The following MYL1 variants were observed in gnomAD, a reference collection of about 807,000 sequenced individuals.
The protein encoded by MYL1 is myosin light chain 1, also known as myosin light chain 1/3, skeletal muscle isoform.
Under a neutral mutation model 21.8 loss-of-function variants are expected in MYL1, and 16 were observed. The observed-to-expected ratio is 0.74, with a 90% CI of 0.50 to 1.12. The LOEUF (loss-of-function observed/expected upper bound fraction) is 1.12, where lower values mean the gene tolerates loss of function less well. MYL1 is among the 50% of genes most tolerant of loss of function. The pLI is 0.00. For synonymous variants in MYL1, 99 were observed against 85.2 expected, an observed-to-expected ratio of 1.16 and a Z score of -0.89; for missense variants, 246 against 241.0, an observed-to-expected ratio of 1.02 and a Z score of -0.14.
chr2:210,293,699 A>T, intron 5 of MYL1, 24 bp downstream of exon 5: 1 of 1,608,900 alleles, frequency 6.2e-7, no homozygotes, highest in Non-Finnish European at 8.5e-7. Context: ...AGTTGCTGTA[A>T]CCACCAGTGA....
intron 1 of MYL1, among the ~76,000 whole-genome samples, chr2:210,306,861 A>C (rs1353759191): frequency 6.6e-6 from 1 of 151,952 alleles, no homozygotes; most frequent in Non-Finnish European, 1.5e-5. Flanking sequence ...GACAAAACTT[A>C]TCTTCTCTCT....
intron 1 of MYL1, 137 bp downstream of exon 1, chr2:210,314,774 A>T: frequency 1.0e-6 from 1 of 970,666 alleles, no homozygotes; most frequent in Non-Finnish European, 1.6e-6. Context: ...TTAAAGCAGG[A>T]TTCTCTTCTT....
intron 5 of MYL1, among the ~76,000 whole-genome samples, chr2:210,292,498 T>C (rs1690093498): frequency 6.6e-6 from 1 of 152,228 alleles, no homozygotes. Flanking sequence ...TATGATCTTT[T>C]ATTAATTTGT....
chr2:210,305,554 T>A (rs1405488728), intron 1 of MYL1, among the ~76,000 whole-genome samples: 3 of 152,128 alleles, frequency 2.0e-5, no homozygotes, highest in African/African-American at 4.8e-5. Flanking sequence ...GTTATTAAAT[T>A]TGAATCATCT....
At chr2:210,306,380 CAAAA>C (rs370261153) in intron 1 of MYL1, among the ~76,000 whole-genome samples, 2 of 117,528 alleles carry the variant, frequency 1.7e-5, no homozygotes, top group Admixed American at 8.3e-5. Flanking sequence ...GACTCCATCT[CAAAA>C]AAAAAAAAAA....
At chr2:210,296,953 T>C (rs1375165620) in intron 3 of MYL1, among the ~76,000 whole-genome samples, 1 of 151,062 alleles carries the variant, frequency 6.6e-6, no homozygotes, top group Non-Finnish European at 1.5e-5. Flanking sequence ...TTGCAGCAAA[T>C]AATAAAATTT....
chr2:210,303,426 CATATT>C (rs1199908772), intron 1 of MYL1: 7 of 865,918 alleles, frequency 8.1e-6, no homozygotes, highest in Non-Finnish European at 1.2e-5. Flanking sequence ...ACTAAAGACT[CATATT>C]GAATATGTTC....
rs1409956400 is a variant in MYL1, at chr2:210,296,595, G to A, written c.304+1825C>T. 6.2e-4 allele frequency among the ~76,000 whole-genome samples: 94 copies of A among 152,028 alleles called. 1 individual carries two copies. The highest frequency in any genetic ancestry group is 1.0e-4 in the Non-Finnish European group (7 of 68,006). On this transcript the variant is annotated intron_variant, in intron 3 of 6. Transcript: ENST00000352451. ...AGCTCAGGAGTTCGAGACCAGCCTGGGCAACATGGCAAGGTCCTATCTCTA... is the reference window on the plus strand; with the variant it reads ...AGCTCAGGAGTTCGAGACCAGCCTGAGCAACATGGCAAGGTCCTATCTCTA...
intron 1 of MYL1, chr2:210,302,918 G>A (rs1690286906): frequency 1.3e-5 from 12 of 938,708 alleles, no homozygotes; most frequent in Non-Finnish European, 4.8e-6. Context: ...GCATTAGAAG[G>A]TTGCCTTAGG....
At position 210,293,097 on chromosome 2, in the gene MYL1, T is replaced by C. The variant is rs940556788; in HGVS notation, c.556+626A>G. 3.3e-5 allele frequency among the ~76,000 whole-genome samples: 5 copies of C among 152,322 alleles called. No individual in the cohort carries two copies. The East Asian group carries it at 7.7e-4, about 23-fold the overall frequency. Reference sequence around the variant, plus strand: ...TAACTTGATTCATTCTCTTTGGGGATAGAAACATTTTTAAATTTTCTTACA... The same window carrying C: ...TAACTTGATTCATTCTCTTTGGGGACAGAAACATTTTTAAATTTTCTTACA... On this transcript the variant is annotated intron_variant, in intron 5 of 6. Transcript: ENST00000352451.
intron 2 of MYL1, among the ~76,000 whole-genome samples, chr2:210,300,409 T>A (rs1181641457): frequency 6.6e-6 from 1 of 152,190 alleles, no homozygotes; most frequent in Non-Finnish European, 1.5e-5. Context: ...TAATAAAATT[T>A]GATTCGGATA....
chr2:210,302,956 G>T, intron 1 of MYL1: 1 of 635,068 alleles, frequency 1.6e-6, no homozygotes, highest in Non-Finnish European at 2.7e-6. Context: ...AACATAAAAA[G>T]CTATTGCAAA....
intron 3 of MYL1, among the ~76,000 whole-genome samples, chr2:210,296,663 G>A (rs1403761225): frequency 2.0e-5 from 3 of 152,038 alleles, no homozygotes; most frequent in African/African-American, 7.2e-5. Flanking sequence ...GGGTGTGGTG[G>A]TGCACATCTG....
chr2:210,296,162 T>C (rs1462118939), intron 3 of MYL1, among the ~76,000 whole-genome samples: 1 of 152,200 alleles, frequency 6.6e-6, no homozygotes, highest in Non-Finnish European at 1.5e-5. Flanking sequence ...TATTTTCGAT[T>C]GACACATACT....
chr2:210,295,016 A>G (rs1382799164), intron 3 of MYL1, among the ~76,000 whole-genome samples: 1 of 152,072 alleles, frequency 6.6e-6, no homozygotes, highest in Non-Finnish European at 1.5e-5. Context: ...TGTGTCAAAT[A>G]TTTTGTGATC....
chr2:210,301,596 C>T (rs112167740), intron 2 of MYL1, among the ~76,000 whole-genome samples: 2,717 of 152,054 alleles, frequency 0.018, 71 homozygotes, highest in African/African-American at 0.06. Context: ...TTTTTCTCCT[C>T]CTTCCATCTA....
intron 4 of MYL1, 57 bp from the exon 5 acceptor site, chr2:210,293,857 A>C: frequency 6.7e-7 from 1 of 1,489,048 alleles, no homozygotes; most frequent in Non-Finnish European, 9.4e-7. Context: ...TTCAAAATCC[A>C]CCATAGGTCA....
In MYL1 at chr2:210,298,339, T is replaced by TACACACACACAC. The variant is rs112894708; in HGVS notation, c.304+69_304+80dup. 1,187 of 1,187,610 alleles carry TACACACACACAC rather than the reference T, an allele frequency of 1.0e-3. 3 individuals carry two copies. Among genetic ancestry groups the TACACACACACAC allele is most frequent in the East Asian group, 3.3e-3 (136 of 40,602 alleles). 73.6% of individuals were successfully genotyped at this position (1,187,610 alleles called of 1,614,324 possible). A position where few individuals can be genotyped will look rare whatever the true frequency, so the allele number is the denominator to read the frequency against. The stretch of plus-strand genomic sequence containing the variant: ...ACACATACTACACACACACACATAC[T>TACACACACACAC]ACACACACACACACACACACACACA... On this transcript the variant is annotated intron_variant, in intron 3 of 6. Coordinates refer to ENST00000352451, the MANE Select transcript of MYL1 (RefSeq NM_079420.3).
Position 210,314,967 on chromosome 2 carries a change from G to GGGCAGC in MYL1, c.75_76insGCTGCC (p.Ala25_Pro26insAlaAla), listed in dbSNP as rs1334436927. 3 of 1,612,886 alleles carry GGGCAGC rather than the reference G, an allele frequency of 1.9e-6. No homozygotes were observed. Among genetic ancestry groups the GGGCAGC allele is most frequent in the East Asian group, 2.2e-5 (1 of 44,856 alleles). On this transcript the variant is annotated inframe_insertion, in exon 1 of 7. Transcript: ENST00000352451. ...TTGGGTTTGGCTGGGGCAGGGGCAGGTGCAGGTGCCGGTGCCGGGGCTGGG... is the reference window on the plus strand; with the variant it reads ...TTGGGTTTGGCTGGGGCAGGGGCAGGGGCAGCTGCAGGTGCCGGTGCCGGGGCTGGG...
Sources: allele counts gnomAD v4.1 joint callset (sites outside exome capture counted in the v4.1 genomes callset), GRCh38; gene constraint gnomAD v4.1.1; transcripts MANE v1.5; gene names NCBI Gene and HGNC (gene_info 2026-07-23, HGNC 2026-07-21).